Variants in ABCB5 observed in about 807,000 individuals in gnomAD.
The protein encoded by ABCB5 is ATP-binding cassette sub-family B member 5.
A neutral mutation model predicts 144.2 loss-of-function variants in ABCB5; 155 were observed. The ratio of observed to expected loss-of-function variants is 1.08; its 90% CI spans 0.94 to 1.23. The LOEUF is 1.23. Among genes scored for constraint, ABCB5 ranks in the 50% most tolerant of loss-of-function variants. ABCB5 has a pLI of 0.00. For missense variants in ABCB5, 1,830 were observed against 1,520.8 expected (o/e 1.20, Z -3.38); for synonymous variants, 610 against 528.6 (o/e 1.15, Z -2.11).
chr7:20,715,813 G>A (rs533592218), intron 20 of ABCB5, among the ~76,000 whole-genome samples: 3 of 151,082 alleles, frequency 2.0e-5, no homozygotes, highest in Admixed American at 6.6e-5. Context: ...TCCGCCTCCC[G>A]GGTTCAAGCG....
intron 20 of ABCB5, among the ~76,000 whole-genome samples, chr7:20,720,843 C>CTGAG (rs1781839145): frequency 6.9e-6 from 1 of 145,318 alleles, no homozygotes; most frequent in African/African-American, 2.5e-5. Context: ...ACACGGGAGG[C>CTGAG]TGAGGCAGGA....
At chr7:20,693,284 T>G (rs2128041958) in intron 16 of ABCB5, among the ~76,000 whole-genome samples, 1 of 152,180 alleles carries the variant, frequency 6.6e-6, no homozygotes, top group South Asian at 2.1e-4. Context: ...GAGGATTACT[T>G]GAACCCAAGA....
intron 14 of ABCB5, among the ~76,000 whole-genome samples, chr7:20,675,681 C>T (rs1785577570): frequency 6.6e-6 from 1 of 151,494 alleles, no homozygotes; most frequent in Non-Finnish European, 1.5e-5. Context: ...AACAAAAAGC[C>T]TCTGCACCAC....
chr7:20,617,627 C>A (rs550418556), intron 1 of ABCB5, among the ~76,000 whole-genome samples: 2 of 152,204 alleles, frequency 1.3e-5, no homozygotes, highest in East Asian at 3.9e-4. Context: ...TGTTAAAATG[C>A]AGATTCTATT....
At chr7:20,733,904 T>G (rs1377573918) in intron 23 of ABCB5, among the ~76,000 whole-genome samples, 1 of 152,180 alleles carries the variant, frequency 6.6e-6, no homozygotes, top group African/African-American at 2.4e-5. Flanking sequence ...CCTCCCAAAG[T>G]GCTAGGATTA....
intron 5 of ABCB5, among the ~76,000 whole-genome samples, chr7:20,632,390 G>C (rs1784057597): frequency 6.6e-6 from 1 of 152,020 alleles, no homozygotes; most frequent in Non-Finnish European, 1.5e-5. Context: ...TAGCAATTTT[G>C]CCTCCTAGTA....
chr7:20,694,060 A>G (rs1786326406), intron 16 of ABCB5, among the ~76,000 whole-genome samples: 1 of 151,294 alleles, frequency 6.6e-6, no homozygotes, highest in South Asian at 2.1e-4. Context: ...ACTTTAAGCC[A>G]TATGGCTTTA....
chr7:20,718,068 AT>A (rs1200340670), intron 20 of ABCB5, among the ~76,000 whole-genome samples: 1 of 144,682 alleles, frequency 6.9e-6, no homozygotes, highest in East Asian at 2.0e-4. Flanking sequence ...CGCCTGGCTA[AT>A]TTTTTTGTGG....
chr7:20,687,669 G>C (rs994230462), intron 16 of ABCB5, among the ~76,000 whole-genome samples: 1 of 152,170 alleles, frequency 6.6e-6, no homozygotes, highest in Admixed American at 6.5e-5. Flanking sequence ...ATTTTTAAGG[G>C]ACTCTTTCAG....
intron 26 of ABCB5, among the ~76,000 whole-genome samples, chr7:20,745,940 T>G (rs1782706538): frequency 6.6e-6 from 1 of 152,226 alleles, no homozygotes; most frequent in African/African-American, 2.4e-5. Context: ...CCCTGCTGTT[T>G]CCCCAGCAAC....
At chr7:20,677,048 A>G (rs1428974285) in intron 14 of ABCB5, among the ~76,000 whole-genome samples, 1 of 152,202 alleles carries the variant, frequency 6.6e-6, no homozygotes, top group Admixed American at 6.5e-5. Flanking sequence ...TTATAGTTAC[A>G]TCCATCATGA....
At chr7:20,719,956 C>A (rs939680709) in intron 20 of ABCB5, among the ~76,000 whole-genome samples, 1 of 151,924 alleles carries the variant, frequency 6.6e-6, no homozygotes, top group African/African-American at 2.4e-5. Context: ...CACACACACA[C>A]ACACACACAC....
chr7:20,735,125 A>T (rs1782343694), intron 23 of ABCB5, among the ~76,000 whole-genome samples: 1 of 152,196 alleles, frequency 6.6e-6, no homozygotes, highest in Non-Finnish European at 1.5e-5. Flanking sequence ...AGCAGAGCAT[A>T]TAGGTAAGAA....
At chr7:20,665,724 A>AAGATAGATAGATAGATAGATAGAT (rs35101575) in intron 14 of ABCB5, among the ~76,000 whole-genome samples, 1 of 134,504 alleles carries the variant, frequency 7.4e-6, no homozygotes, top group Non-Finnish European at 1.6e-5. Context: ...TAGAGATGGA[A>AAGATAGATAGATAGATAGATAGAT]AGATAGATAG....
intron 13 of ABCB5, among the ~76,000 whole-genome samples, chr7:20,657,377 T>C (rs1338154914): frequency 6.6e-6 from 1 of 152,254 alleles, no homozygotes; most frequent in Non-Finnish European, 1.5e-5. Flanking sequence ...TTCTTGTGTG[T>C]TGTTTGTTTT....
chr7:20,715,972 G>A (rs906757285), intron 20 of ABCB5, among the ~76,000 whole-genome samples: 2 of 151,674 alleles, frequency 1.3e-5, no homozygotes, highest in African/African-American at 2.4e-5. Context: ...CTCCCACCTC[G>A]GCCTGTAATC....
rs201466266 is a variant in ABCB5 at position 20,730,428 on chromosome 7, G to C, written c.2867+1973G>C. On this transcript the variant is annotated intron_variant, in intron 23 of 27. Coordinates refer to ENST00000404938, the MANE Select transcript of ABCB5 (RefSeq NM_001163941.2). ...GGAGGCTGAGGCATGAGAATCACTT[G>C]ACCCGAGGAGGCAGAGGTTGCAATG... 7.2e-5 allele frequency among the ~76,000 whole-genome samples: 11 copies of C among 152,270 alleles called. No individual in the cohort carries two copies. In the East Asian group the frequency reaches 2.1e-3, roughly 29 times the overall value.
At chr7:20,663,309 A>G (rs1019004378) in intron 14 of ABCB5, among the ~76,000 whole-genome samples, 6 of 152,248 alleles carry the variant, frequency 3.9e-5, no homozygotes, top group Non-Finnish European at 1.5e-5. Context: ...TCATAGTAGC[A>G]TCATCTACAG....
intron 5 of ABCB5, among the ~76,000 whole-genome samples, chr7:20,638,959 C>G (rs1465529838): frequency 6.6e-6 from 1 of 152,138 alleles, no homozygotes; most frequent in Non-Finnish European, 1.5e-5. Flanking sequence ...AGTGGCTACA[C>G]CATTTTACTG....
Sources: allele counts gnomAD v4.1 joint callset (sites outside exome capture counted in the v4.1 genomes callset), GRCh38; gene constraint gnomAD v4.1.1; transcripts MANE v1.5; gene names NCBI Gene and HGNC (gene_info 2026-07-23, HGNC 2026-07-21).